Variants in CBLB observed in about 807,000 individuals in gnomAD.
CBLB encodes the protein Cbl proto-oncogene B, also known as E3 ubiquitin-protein ligase CBL-B.
A neutral mutation model predicts 104.9 loss-of-function variants in CBLB; 31 were observed. That is an observed-to-expected ratio of 0.30 (90% CI 0.22 to 0.40). The LOEUF (loss-of-function observed/expected upper bound fraction) is 0.40. CBLB is among the 10% of genes least tolerant of loss of function. The pLI is 1.00. For missense variants in CBLB, 1,062 were observed against 1,214.6 expected, an observed-to-expected ratio of 0.87 and a Z score of 1.87; for synonymous variants, 440 against 422.6, an observed-to-expected ratio of 1.04 and a Z score of -0.51.
intron 4 of CBLB, among the ~76,000 whole-genome samples, chr3:105,767,278 T>A (rs528382405): frequency 6.6e-6 from 1 of 152,132 alleles, no homozygotes; most frequent in African/African-American, 2.4e-5. Context: ...TTTCTTTACC[T>A]AGAGGGAAAA....
At chr3:105,794,179 A>G (rs895758085) in intron 3 of CBLB, among the ~76,000 whole-genome samples, 6 of 152,218 alleles carry the variant, frequency 3.9e-5, no homozygotes, top group Non-Finnish European at 8.8e-5. Flanking sequence ...TAAGTAATAC[A>G]CTTGTAGTGC....
At chr3:105,790,474 C>T (rs756411795) in intron 3 of CBLB, among the ~76,000 whole-genome samples, 4 of 152,202 alleles carry the variant, frequency 2.6e-5, no homozygotes, top group Non-Finnish European at 2.9e-5. Flanking sequence ...GGAGTTCCAT[C>T]GACTTTAATA....
intron 4 of CBLB, among the ~76,000 whole-genome samples, chr3:105,766,389 G>A (rs1222707959): frequency 6.6e-6 from 1 of 152,170 alleles, no homozygotes; most frequent in Non-Finnish European, 1.5e-5. Context: ...AATTTTGAAT[G>A]AAACTCTATT....
chr3:105,824,855 T>C (rs549139106), intron 3 of CBLB, among the ~76,000 whole-genome samples: 1 of 152,048 alleles, frequency 6.6e-6, no homozygotes, highest in South Asian at 2.1e-4. Flanking sequence ...CCTTCTCTTG[T>C]TTAGACTTAG....
chr3:105,786,868 G>A (rs1299964047), intron 3 of CBLB, among the ~76,000 whole-genome samples: 1 of 152,142 alleles, frequency 6.6e-6, no homozygotes, highest in Non-Finnish European at 1.5e-5. Context: ...ATAACGTCAT[G>A]AAAGAAATGG....
intron 13 of CBLB, among the ~76,000 whole-genome samples, chr3:105,691,758 C>T (rs545663503): frequency 5.3e-5 from 8 of 152,242 alleles, no homozygotes; most frequent in African/African-American, 1.9e-4. Flanking sequence ...CTCGCAGTTC[C>T]AAGAGAAGTT....
chr3:105,790,570 G>C (rs954412984), intron 3 of CBLB, among the ~76,000 whole-genome samples: 1 of 152,190 alleles, frequency 6.6e-6, no homozygotes, highest in Non-Finnish European at 1.5e-5. Context: ...ATAAAGACCA[G>C]TTCAGTCCTT....
At chr3:105,799,177 CAAAAAAA>C (rs11372400) in intron 3 of CBLB, among the ~76,000 whole-genome samples, 2 of 70,228 alleles carry the variant, frequency 2.8e-5, no homozygotes, top group South Asian at 4.9e-4. Flanking sequence ...TGACAAAGAA[CAAAAAAA>C]AAAAAAAAAA....
chr3:105,688,675 CAAAT>C (rs891196477), intron 13 of CBLB, among the ~76,000 whole-genome samples: 2 of 151,966 alleles, frequency 1.3e-5, no homozygotes, highest in African/African-American at 4.8e-5. Context: ...ATGTCTAACT[CAAAT>C]AAATAGTCCA....
chr3:105,715,684 T>C (rs2071748940), intron 10 of CBLB, among the ~76,000 whole-genome samples: 1 of 152,190 alleles, frequency 6.6e-6, no homozygotes, highest in African/African-American at 2.4e-5. Context: ...AACCATTCTG[T>C]TGGACAATCA....
intron 9 of CBLB, among the ~76,000 whole-genome samples, chr3:105,731,933 C>T (rs1226787247): frequency 6.6e-6 from 1 of 152,048 alleles, no homozygotes; most frequent in Non-Finnish European, 1.5e-5. Context: ...GACTGGAGCC[C>T]CAAGAAAAAT....
chr3:105,675,953 T>G (rs1229426428), intron 17 of CBLB, among the ~76,000 whole-genome samples: 1 of 147,118 alleles, frequency 6.8e-6, no homozygotes, highest in African/African-American at 2.5e-5. Flanking sequence ...TGTAAATGAT[T>G]ATGAAAGACT....
intron 9 of CBLB, among the ~76,000 whole-genome samples, chr3:105,727,155 T>C (rs183256587): frequency 3.6e-4 from 55 of 152,328 alleles, no homozygotes; most frequent in African/African-American, 1.3e-3. Context: ...TTGAACTAAT[T>C]TACACTCTCA....
At chr3:105,869,343 G>A, upstream of CBLB, 3 of 1,333,634 alleles carry the variant, frequency 2.2e-6, no homozygotes, top group Non-Finnish European at 3.0e-6. Context: ...TAACCAATAA[G>A]GGGTGGCAGG....
Position 105,665,438 on chromosome 3 carries a change from T to C in CBLB, c.2689+4795A>G, listed in dbSNP as rs1317612019. Among the ~76,000 whole-genome samples, 711 of 79,866 alleles carry C rather than the reference T, an allele frequency of 8.9e-3. 10 individuals are homozygous for C. The highest frequency in any genetic ancestry group is 0.028 in the African/African-American group (670 of 24,030). The allele number at this position is 79,866 out of a possible 152,430, so 52.4% of individuals were successfully genotyped here. The stretch of plus-strand genomic sequence containing the variant: ...ATAAATATATATATATATATATATA[T>C]ATATACACACACACACACATATATA... On this transcript the variant is annotated intron_variant, in intron 18 of 18. Transcript: ENST00000394030.
intron 12 of CBLB, among the ~76,000 whole-genome samples, chr3:105,698,195 G>A (rs2068631482): frequency 1.3e-5 from 2 of 152,032 alleles, no homozygotes; most frequent in African/African-American, 4.8e-5. Context: ...GGGAGTAAAT[G>A]AATATCACAA....
chr3:105,751,561 G>A lies in CBLB; in HGVS notation c.624C>T (p.Ser208=). 1.2e-6 allele frequency: 2 copies of A among 1,610,324 alleles called. No homozygotes were observed. The highest frequency in any genetic ancestry group is 1.7e-6 in the Non-Finnish European group (2 of 1,176,600). ...RQCLHEVHQI[S]SGLEAMALKS... ...TTAGAGCCATTGCTTCCAGGCCAGA[G>A]CTAATCTGGTGGACCTCATGAAGGC... Residue 208 remains serine (S), a synonymous_variant, in exon 5 of 19, where the codon AGC becomes AGT. Coordinates refer to ENST00000394030, the MANE Select transcript of CBLB (RefSeq NM_170662.5).
At chr3:105,760,822 T>G (rs1321337770) in intron 4 of CBLB, among the ~76,000 whole-genome samples, 1 of 152,178 alleles carries the variant, frequency 6.6e-6, no homozygotes, top group Admixed American at 6.5e-5. Flanking sequence ...CATCAAAAAG[T>G]CCTTTTAATA....
intron 10 of CBLB, among the ~76,000 whole-genome samples, chr3:105,708,512 A>G (rs1576504433): frequency 1.3e-5 from 2 of 152,244 alleles, no homozygotes; most frequent in Non-Finnish European, 2.9e-5. Flanking sequence ...ATGACTATCT[A>G]AGCTCTAATG....
Sources: gnomAD v4.1 joint callset for allele counts (sites outside exome capture counted in the v4.1 genomes callset) on GRCh38, gnomAD v4.1.1 for gene constraint, MANE v1.5 for transcripts, NCBI Gene and HGNC (gene_info 2026-07-23, HGNC 2026-07-21) for gene names.